Variants in KCNIP1 observed in about 807,000 individuals in gnomAD.
KCNIP1 encodes the protein A-type potassium channel modulatory protein KCNIP1.
KCNIP1 carries 18 observed loss-of-function variants against 33.0 expected under a neutral mutation model. The observed-to-expected ratio is 0.55, with a 90% CI of 0.38 to 0.81. KCNIP1 has a LOEUF of 0.81. KCNIP1 is among the 30% of genes least tolerant of loss of function. The pLI is 0.00. For synonymous variants in KCNIP1, 93 were observed against 98.3 expected (o/e 0.95, Z 0.32); for missense variants, 238 against 271.6 (o/e 0.88, Z 0.87).
intron 1 of KCNIP1, among the ~76,000 whole-genome samples, chr5:170,597,657 C>T (rs758316071): frequency 2.0e-5 from 3 of 151,480 alleles, no homozygotes; most frequent in Non-Finnish European, 4.4e-5. Flanking sequence ...TCAGACAACA[C>T]GGGAGGCAGT....
chr5:170,589,723 A>ATGTGGTGTGGTGTGG (rs70979189), intron 1 of KCNIP1, among the ~76,000 whole-genome samples: 154 of 132,508 alleles, frequency 1.2e-3, no homozygotes, highest in East Asian at 3.9e-3. Context: ...GTGTGGTGTG[A>ATGTGGTGTGGTGTGG]TGTGGTGTGG....
intron 1 of KCNIP1, among the ~76,000 whole-genome samples, chr5:170,590,526 CA>C (rs1758208585): frequency 6.6e-6 from 1 of 152,060 alleles, no homozygotes; most frequent in Admixed American, 6.6e-5. Context: ...TGGTGATGGT[CA>C]GTGTTGGGGC....
intron 1 of KCNIP1, among the ~76,000 whole-genome samples, chr5:170,491,647 A>C (rs1757209238): frequency 6.6e-6 from 1 of 152,248 alleles, no homozygotes; most frequent in Admixed American, 6.5e-5. Context: ...AAAGGGGAAG[A>C]AGGAACATTT....
At chr5:170,419,415 G>C (rs1227837998) in intron 1 of KCNIP1, among the ~76,000 whole-genome samples, 3 of 152,204 alleles carry the variant, frequency 2.0e-5, no homozygotes, top group Non-Finnish European at 4.4e-5. Flanking sequence ...CACTCCCCCA[G>C]TCTAGACTCT....
At chr5:170,545,647 G>C (rs1756383637) in intron 1 of KCNIP1, among the ~76,000 whole-genome samples, 1 of 151,996 alleles carries the variant, frequency 6.6e-6, no homozygotes. Flanking sequence ...GCTATGTCCA[G>C]TCTGCTGTAA....
intron 1 of KCNIP1, among the ~76,000 whole-genome samples, chr5:170,636,654 A>G (rs1366550131): frequency 6.6e-6 from 1 of 152,174 alleles, no homozygotes; most frequent in Non-Finnish European, 1.5e-5. Context: ...GATGGACCCA[A>G]GAGACAAATA....
At chr5:170,399,901 G>A (rs1754855544) in intron 1 of KCNIP1, among the ~76,000 whole-genome samples, 1 of 152,140 alleles carries the variant, frequency 6.6e-6, no homozygotes, top group African/African-American at 2.4e-5. Context: ...CCTTCCAACA[G>A]GTTCCTAAAA....
chr5:170,467,989 A>G (rs1345820587), intron 1 of KCNIP1, among the ~76,000 whole-genome samples: 2 of 151,590 alleles, frequency 1.3e-5, no homozygotes, highest in Admixed American at 1.3e-4. Context: ...TTCTATTAAG[A>G]TATTTGTGCT....
At chr5:170,390,980 G>A (rs1754569582) in intron 1 of KCNIP1, among the ~76,000 whole-genome samples, 1 of 152,116 alleles carries the variant, frequency 6.6e-6, no homozygotes, top group South Asian at 2.1e-4. Context: ...GGCGGTGAGT[G>A]CCCTTCTCCA....
intron 1 of KCNIP1, among the ~76,000 whole-genome samples, chr5:170,704,531 T>C (rs546485550): frequency 1.3e-4 from 20 of 152,254 alleles, no homozygotes; most frequent in South Asian, 8.3e-4. Flanking sequence ...GGGAATCGTC[T>C]GGAAAGGTAG....
At chr5:170,613,784 C>T (rs186128121) in intron 1 of KCNIP1, among the ~76,000 whole-genome samples, 161 of 152,198 alleles carry the variant, frequency 1.1e-3, no homozygotes, top group African/African-American at 3.5e-3. Context: ...TATTAGACCA[C>T]GAAGGATGAC....
intron 1 of KCNIP1, among the ~76,000 whole-genome samples, chr5:170,381,682 C>T (rs1581130400): frequency 6.6e-6 from 1 of 152,366 alleles, no homozygotes; most frequent in East Asian, 1.9e-4. Context: ...GTCCTTCCTT[C>T]ACATCCTGCT....
At chr5:170,673,368 T>C (rs1581479474) in intron 1 of KCNIP1, among the ~76,000 whole-genome samples, 2 of 152,124 alleles carry the variant, frequency 1.3e-5, no homozygotes, top group South Asian at 4.1e-4. Flanking sequence ...TAAGTGAGAG[T>C]GGTGATGATG....
At chr5:170,405,650 A>G (rs922809667) in intron 1 of KCNIP1, among the ~76,000 whole-genome samples, 16 of 152,196 alleles carry the variant, frequency 1.1e-4, no homozygotes, top group African/African-American at 3.4e-4. Flanking sequence ...GGGCAAAAGT[A>G]TTAGTGTCTG....
At chr5:170,508,281 T>C (rs1183260527) in intron 1 of KCNIP1, among the ~76,000 whole-genome samples, 1 of 152,190 alleles carries the variant, frequency 6.6e-6, no homozygotes, top group African/African-American at 2.4e-5. Flanking sequence ...CTCAACCCCA[T>C]GGCTATCAGA....
At chr5:170,389,871 T>C (rs1350931790) in intron 1 of KCNIP1, among the ~76,000 whole-genome samples, 3 of 152,232 alleles carry the variant, frequency 2.0e-5, no homozygotes, top group African/African-American at 7.2e-5. Flanking sequence ...CCCAAACTTA[T>C]CGTTAAATGA....
chr5:170,534,115 A>G (rs1755882968), intron 1 of KCNIP1, among the ~76,000 whole-genome samples: 2 of 152,250 alleles, frequency 1.3e-5, no homozygotes, highest in African/African-American at 2.4e-5. Flanking sequence ...TAGCACAGAC[A>G]GCAAGCAACT....
chr5:170,598,044 G>A (rs148170373), intron 1 of KCNIP1, among the ~76,000 whole-genome samples: 487 of 152,092 alleles, frequency 3.2e-3, no homozygotes, highest in Non-Finnish European at 4.9e-3. Context: ...CCTGCCTCCC[G>A]GTGACTTGTT....
chr5:170,552,689 A>G (rs899820815), intron 1 of KCNIP1, among the ~76,000 whole-genome samples: 12 of 152,226 alleles, frequency 7.9e-5, no homozygotes, highest in Non-Finnish European at 1.3e-4. Context: ...TAGACCGCAC[A>G]GGGCCTTTGG....
Sources: gnomAD v4.1 joint callset for allele counts (sites outside exome capture counted in the v4.1 genomes callset) on GRCh38, gnomAD v4.1.1 for gene constraint, MANE v1.5 for transcripts, NCBI Gene and HGNC (gene_info 2026-07-23, HGNC 2026-07-21) for gene names.